PRMT8: variants seen among roughly 807,000 people sequenced by gnomAD.
PRMT8 encodes the protein protein arginine N-methyltransferase 8.
Under a neutral mutation model 47.1 loss-of-function variants are expected in PRMT8, and 7 were observed. The ratio of observed to expected loss-of-function variants is 0.15; its 90% CI spans 0.08 to 0.28. The LOEUF (loss-of-function observed/expected upper bound fraction) is 0.28, where lower values mean the gene tolerates loss of function less well. PRMT8 is among the 10% of genes least tolerant of loss of function. PRMT8 has a pLI of 1.00. For synonymous variants in PRMT8, 188 were observed against 186.5 expected (o/e 1.01, Z -0.07); for missense variants, 237 against 505.4 (o/e 0.47, Z 5.09).
intron 1 of PRMT8, among the ~76,000 whole-genome samples, chr12:3,477,505 T>G (rs1156864530): frequency 6.6e-6 from 1 of 152,258 alleles, no homozygotes; most frequent in Non-Finnish European, 1.5e-5. Context: ...TCTTGCATCA[T>G]GTAGTCTTAT....
chr12:3,585,244 A>C (rs1867144645), intron 8 of PRMT8, among the ~76,000 whole-genome samples: 1 of 147,914 alleles, frequency 6.8e-6, no homozygotes, highest in Admixed American at 6.8e-5. Context: ...GGGGGTGAGG[A>C]GGTGAGTAGT....
At chr12:3,489,383 A>C (rs1865352015), upstream of PRMT8, among the ~76,000 whole-genome samples, 1 of 151,820 alleles carries the variant, frequency 6.6e-6, no homozygotes, top group Non-Finnish European at 1.5e-5. Context: ...TCGGACTGAA[A>C]GTCAGGAGGC....
intron 1 of PRMT8, among the ~76,000 whole-genome samples, chr12:3,385,683 A>T (rs905487724): frequency 1.3e-5 from 2 of 152,232 alleles, no homozygotes; most frequent in Admixed American, 1.3e-4. Flanking sequence ...ACGTTGTCTC[A>T]CTCAAGTACT....
intron 1 of PRMT8, among the ~76,000 whole-genome samples, chr12:3,411,707 A>G (rs1864432514): frequency 6.6e-6 from 1 of 152,190 alleles, no homozygotes; most frequent in Non-Finnish European, 1.5e-5. Context: ...TAATGGGTCA[A>G]GGGGCCCCAT....
chr12:3,518,055 C>G (rs1030169635), intron 1 of PRMT8, among the ~76,000 whole-genome samples: 1 of 146,644 alleles, frequency 6.8e-6, no homozygotes, highest in African/African-American at 2.5e-5. Context: ...AAAAAAAAAG[C>G]ATAGTAAACA....
In PRMT8 at chr12:3,569,604, C is replaced by T. The variant is rs979803517; in HGVS notation, c.712+40C>T. Reference sequence around the variant, plus strand: ...GCTTCTCCGGTGGACTTCCACTGCACAATTGGGGTGGGAGGCACTCCAGTG... The same window carrying T: ...GCTTCTCCGGTGGACTTCCACTGCATAATTGGGGTGGGAGGCACTCCAGTG... On this transcript the variant is annotated intron_variant, in intron 6 of 9. Coordinates refer to ENST00000382622, the MANE Select transcript of PRMT8 (RefSeq NM_019854.5). The surrounding 1 kb of genome is among the most constrained non-coding windows in gnomAD (Gnocchi z 8.2). 6.5e-6 allele frequency: 10 copies of T among 1,548,108 alleles called. No individual in the cohort carries two copies. The highest frequency in any genetic ancestry group is 5.4e-6 in the Non-Finnish European group (6 of 1,120,072).
chr12:3,457,873 G>A (rs1357132863), intron 1 of PRMT8, among the ~76,000 whole-genome samples: 2 of 111,982 alleles, frequency 1.8e-5, no homozygotes, highest in Non-Finnish European at 3.4e-5. Context: ...TTTTAAGACA[G>A]CGTTCTGTTG....
In PRMT8 at chr12:3,423,743, T is replaced by A. The variant is rs568236289; in HGVS notation, c.48+42301T>A. 2.0e-5 allele frequency among the ~76,000 whole-genome samples: 3 copies of A among 152,334 alleles called. No homozygotes were observed. The East Asian group carries it at 5.8e-4, about 29-fold the overall frequency. On this transcript the variant is annotated intron_variant, in intron 1 of 9. Transcript: ENST00000452611. ...CACACGGTTTGTAACTTTGGGAATT[T>A]ACCAAATGGATTCCTTTCTGTGTGA...
At chr12:3,549,381 A>G (rs1866378450) in intron 2 of PRMT8, among the ~76,000 whole-genome samples, 1 of 152,172 alleles carries the variant, frequency 6.6e-6, no homozygotes, top group East Asian at 1.9e-4. Context: ...TCCCTACCTC[A>G]CTACCATACA....
intron 1 of PRMT8, among the ~76,000 whole-genome samples, chr12:3,474,097 G>T (rs566989558): frequency 1.3e-5 from 2 of 152,180 alleles, no homozygotes; most frequent in Non-Finnish European, 2.9e-5. Context: ...ATTGGCTCAT[G>T]CCCTGCCCTC....
At chr12:3,536,999 A>G (rs897257000) in intron 1 of PRMT8, among the ~76,000 whole-genome samples, 2 of 152,246 alleles carry the variant, frequency 1.3e-5, no homozygotes, top group East Asian at 1.9e-4. Flanking sequence ...ATGATGATCC[A>G]TGATTCTCTT....
chr12:3,524,182 G>A (rs376471332), intron 1 of PRMT8, among the ~76,000 whole-genome samples: 1 of 151,912 alleles, frequency 6.6e-6, no homozygotes, highest in African/African-American at 2.4e-5. Flanking sequence ...CAACATTTAT[G>A]GTAACTCAAT....
upstream of PRMT8, among the ~76,000 whole-genome samples, chr12:3,490,546 T>TA (rs1231566588): frequency 1.9e-5 from 1 of 52,750 alleles, no homozygotes; most frequent in Non-Finnish European, 4.1e-5. Context: ...AAGACTGGAG[T>TA]GGGGGGGGGG....
At chr12:3,491,832 CTGTGTGTGTGTGTGTGTGTGTG>C (rs531683101) in intron 1 of PRMT8, 132 bp downstream of exon 1, 20 of 536,350 alleles carry the variant, frequency 3.7e-5, no homozygotes, top group African/African-American at 1.6e-4. Flanking sequence ...CGGCCTCCTC[CTGTGTGTGTGTGTGTGTGTGTG>C]TGTGTGTGTG....
Position 3,564,132 on chromosome 12 carries a change from T to C in PRMT8, c.482-4574T>C, listed in dbSNP as rs1418666818. On this transcript the variant is annotated intron_variant, in intron 4 of 9. Coordinates refer to ENST00000382622, the MANE Select transcript of PRMT8 (RefSeq NM_019854.5). The surrounding 1 kb of genome is among the most constrained non-coding windows in gnomAD (Gnocchi z 4.0). ...GCAGCCAGCATGGGTGTCACCAAAA[T>C]AGGTGTATGAGCAAGGACCAAGGGA... Among the ~76,000 whole-genome samples, 1 of 152,010 alleles carries C rather than the reference T, an allele frequency of 6.6e-6. No homozygotes were observed. Among genetic ancestry groups the C allele is most frequent in the East Asian group, 1.9e-4 (1 of 5,196 alleles).
In PRMT8 at chr12:3,583,578, G is replaced by A. The variant is rs546634005; in HGVS notation, c.979+370G>A. 1.3e-5 allele frequency among the ~76,000 whole-genome samples: 2 copies of A among 152,322 alleles called. No homozygotes were observed. The highest frequency in any genetic ancestry group is 4.1e-4 in the South Asian group (2 of 4,822). ...GAATAAGCCTAGTCTGCACTGCCAT[G>A]CCTCTGTGCAGGACACAGCCTGTCT... On this transcript the variant is annotated intron_variant, in intron 8 of 9. Coordinates refer to ENST00000382622, the MANE Select transcript of PRMT8 (RefSeq NM_019854.5). This position sits in a 1 kb window ranked among gnomAD's most constrained non-coding sequence, Gnocchi z 4.7.
intron 6 of PRMT8, among the ~76,000 whole-genome samples, chr12:3,571,304 AT>A (rs1178547703): frequency 1.3e-5 from 2 of 152,206 alleles, no homozygotes; most frequent in Non-Finnish European, 2.9e-5. Context: ...AATAGGACAT[AT>A]TTTGCCCTGG....
intron 4 of PRMT8, among the ~76,000 whole-genome samples, chr12:3,563,240 T>C (rs1445791649): frequency 6.6e-6 from 1 of 151,936 alleles, no homozygotes; most frequent in Non-Finnish European, 1.5e-5. Flanking sequence ...AGCAGGGCTT[T>C]AGAGCTCCAG....
intron 1 of PRMT8, among the ~76,000 whole-genome samples, chr12:3,457,502 TCTCC>T (rs1324786855): frequency 4.0e-5 from 6 of 151,692 alleles, no homozygotes; most frequent in African/African-American, 1.2e-4. Context: ...AGAGACGGGG[TCTCC>T]CTCTGTTTCC....
Sources: allele counts gnomAD v4.1 joint callset (sites outside exome capture counted in the v4.1 genomes callset), GRCh38; gene constraint gnomAD v4.1.1; non-coding constraint Gnocchi (gnomAD v3.1); transcripts MANE v1.5; gene names NCBI Gene and HGNC (gene_info 2026-07-23, HGNC 2026-07-21).